AP4S1: variants seen among roughly 807,000 people sequenced by gnomAD.
AP4S1 encodes the protein adaptor related protein complex 4 subunit sigma 1.
In AP4S1, 23 loss-of-function variants were observed where a neutral mutation model predicts 19.8. The observed-to-expected ratio is 1.16, with a 90% CI of 0.84 to 1.65. The LOEUF (loss-of-function observed/expected upper bound fraction) is 1.65, where lower values mean the gene tolerates loss of function less well. Among genes scored for constraint, AP4S1 ranks in the 40% most tolerant of loss-of-function variants. The probability of loss-of-function intolerance (pLI) is 0.00; values close to 1 mark genes in which losing one functional copy is unlikely to be tolerated. For missense variants in AP4S1, 166 were observed against 172.8 expected, an observed-to-expected ratio of 0.96 and a Z score of 0.22; for synonymous variants, 46 against 54.1, an observed-to-expected ratio of 0.85 and a Z score of 0.66.
At chr14:31,025,985 C>T in intron 1 of AP4S1, 198 bp downstream of exon 1, 1 of 1,572,248 alleles carries the variant, frequency 6.4e-7, no homozygotes, top group Non-Finnish European at 8.6e-7. Context: ...AGTGCAGTAT[C>T]CCCGGGATAG....
At chr14:31,052,107 CA>C (rs1885829402) in intron 1 of AP4S1, among the ~76,000 whole-genome samples, 1 of 152,020 alleles carries the variant, frequency 6.6e-6, no homozygotes, top group East Asian at 1.9e-4. Context: ...CTCATCTTTA[CA>C]AAAAATACAA....
At chr14:31,085,407 G>A in intron 5 of AP4S1, 1 of 987,738 alleles carries the variant, frequency 1.0e-6, no homozygotes, top group Non-Finnish European at 1.2e-6. Flanking sequence ...TTGTATTCTT[G>A]TGAGGCACAA....
chr14:31,070,853 C>G (rs1329450550), intron 3 of AP4S1, among the ~76,000 whole-genome samples: 1 of 152,110 alleles, frequency 6.6e-6, no homozygotes, highest in Non-Finnish European at 1.5e-5. Flanking sequence ...GAGATCGAGA[C>G]CATCCTGGCT....
At chr14:31,052,542 T>C (rs1304117132) in intron 1 of AP4S1, among the ~76,000 whole-genome samples, 1 of 151,798 alleles carries the variant, frequency 6.6e-6, no homozygotes, top group African/African-American at 2.4e-5. Context: ...CTGGCCAACA[T>C]GGTGAAACCC....
intron 4 of AP4S1, among the ~76,000 whole-genome samples, chr14:31,075,937 C>T (rs1030258193): frequency 2.0e-5 from 3 of 152,070 alleles, no homozygotes; most frequent in Non-Finnish European, 4.4e-5. Context: ...CGGGGTTTCT[C>T]CATGTTGAGG....
chr14:31,083,715 G>A, intron 5 of AP4S1: 1 of 358,622 alleles, frequency 2.8e-6, no homozygotes, highest in Non-Finnish European at 5.5e-6. Context: ...TCACTCTGTT[G>A]CACAGGCTGG....
intron 1 of AP4S1, among the ~76,000 whole-genome samples, chr14:31,057,921 C>T (rs951723518): frequency 9.9e-5 from 15 of 151,732 alleles, no homozygotes; most frequent in Admixed American, 9.2e-4. Flanking sequence ...AGCAACTGCA[C>T]CCAGCCAGTT....
intron 1 of AP4S1, among the ~76,000 whole-genome samples, chr14:31,039,358 G>A (rs1458873986): frequency 1.3e-5 from 2 of 151,474 alleles, no homozygotes; most frequent in Admixed American, 1.3e-4. Flanking sequence ...GCTAATTTTT[G>A]CATTTTTAGT....
At position 31,066,176 on chromosome 14, in the gene AP4S1, A is replaced by G. The variant is rs1324030525; in HGVS notation, c.-21A>G. On this transcript the variant is annotated 5_prime_UTR_variant, in exon 2 of 6. Transcript: ENST00000542754. ...ATAACTTTTGAACTGTATTTGGAAA[A>G]ATACTGGCCAGGAAAGAAAAATGAT... 5.0e-6 allele frequency: 8 copies of G among 1,613,218 alleles called. No homozygotes were observed. The highest frequency in any genetic ancestry group is 5.9e-6 in the Non-Finnish European group (7 of 1,179,718).
chr14:31,055,007 A>T (rs548620690), intron 1 of AP4S1, among the ~76,000 whole-genome samples: 5 of 151,312 alleles, frequency 3.3e-5, no homozygotes, highest in Non-Finnish European at 5.9e-5. Flanking sequence ...TAATAATAAC[A>T]TCAGACAAAT....
At chr14:31,061,305 C>T in intron 1 of AP4S1, among the ~76,000 whole-genome samples, 1 of 152,314 alleles carries the variant, frequency 6.6e-6, no homozygotes, top group African/African-American at 2.4e-5. Context: ...CGGCGTGAGC[C>T]ACCGCTTGCC....
At chr14:31,039,841 G>A (rs895138457) in intron 1 of AP4S1, among the ~76,000 whole-genome samples, 13 of 151,646 alleles carry the variant, frequency 8.6e-5, no homozygotes, top group Admixed American at 2.6e-4. Flanking sequence ...CGCCCGTCTC[G>A]GCCTCCCAAA....
At chr14:31,073,253 G>A in intron 4 of AP4S1, 2 of 358,386 alleles carry the variant, frequency 5.6e-6, no homozygotes, top group South Asian at 4.9e-5. Flanking sequence ...CACTTTGGGA[G>A]GCTAAGGTGG....
At chr14:31,081,614 T>C (rs1046439749) in intron 5 of AP4S1, among the ~76,000 whole-genome samples, 37 of 151,876 alleles carry the variant, frequency 2.4e-4, no homozygotes, top group African/African-American at 8.7e-4. Flanking sequence ...CACATCAAGT[T>C]TGAATATAAA....
intron 4 of AP4S1, among the ~76,000 whole-genome samples, chr14:31,073,366 T>C (rs574280248): frequency 7.5e-6 from 1 of 132,624 alleles, no homozygotes; most frequent in Non-Finnish European, 1.7e-5. Context: ...GGTGGGCGCC[T>C]GTAGTCCCAG....
rs1387171975 is a variant in AP4S1, at chr14:31,093,026, A to G, written c.426A>G (p.Ser142=). Reference sequence around the variant, plus strand: ...CTCTACTAATTCTTGATAAGATGTCAGAAAGCTGAAAGGAAGTCTCTTCGA... The same window carrying G: ...CTCTACTAATTCTTGATAAGATGTCGGAAAGCTGAAAGGAAGTCTCTTCGA... ...LAPLLILDKM[S]ES Residue 142 remains serine, a synonymous_variant, in exon 6 of 6, where the codon TCA becomes TCG. Coordinates refer to ENST00000542754, the MANE Select transcript of AP4S1 (RefSeq NM_001128126.3). 6.5e-7 allele frequency: 1 copy of G among 1,548,284 alleles called. No homozygotes were observed. Among genetic ancestry groups the G allele is most frequent in the East Asian group, 2.5e-5 (1 of 40,812 alleles).
intron 1 of AP4S1, among the ~76,000 whole-genome samples, chr14:31,049,428 A>AAAAAATATAT: frequency 1.7e-5 from 1 of 57,768 alleles, no homozygotes; most frequent in Non-Finnish European, 2.9e-5. Flanking sequence ...AAAAAAAAAA[A>AAAAAATATAT]ATATATATAT....
At chr14:31,025,468 A>G (rs1205942461), upstream of AP4S1, 1 of 164,482 alleles carries the variant, frequency 6.1e-6, no homozygotes, top group African/African-American at 2.6e-5. Flanking sequence ...GGTGGTCCGG[A>G]AAAGGGGGGT....
intron 1 of AP4S1, among the ~76,000 whole-genome samples, chr14:31,035,613 T>G (rs1420224607): frequency 6.7e-6 from 1 of 150,292 alleles, no homozygotes; most frequent in Non-Finnish European, 1.5e-5. Context: ...TCCATACATT[T>G]CATTTGGTTG....
Sources: allele counts gnomAD v4.1 joint callset (sites outside exome capture counted in the v4.1 genomes callset), GRCh38; gene constraint gnomAD v4.1.1; transcripts MANE v1.5; gene names NCBI Gene and HGNC (gene_info 2026-07-23, HGNC 2026-07-21).